The following ALMS1 variants were observed in gnomAD, a reference collection of about 807,000 sequenced individuals.
ALMS1 encodes ALMS1 centrosome and basal body associated protein.
A neutral mutation model predicts 352.2 loss-of-function variants in ALMS1; 271 were observed. That is an observed-to-expected ratio of 0.77 (90% CI 0.70 to 0.85). The LOEUF is 0.85. Ranked by LOEUF, ALMS1 falls within the 40% of genes least tolerant of loss-of-function variation. ALMS1 has a pLI of 0.00. For missense variants in ALMS1, 5,445 were observed against 4,870.7 expected (o/e 1.12, Z -3.51); for synonymous variants, 1,865 against 1,761.2 (o/e 1.06, Z -1.48).
intron 9 of ALMS1, among the ~76,000 whole-genome samples, chr2:73,488,361 T>C (rs980471635): frequency 3.3e-5 from 5 of 152,236 alleles, no homozygotes; most frequent in African/African-American, 1.2e-4. Context: ...GTGCCTGGAC[T>C]TGGCCTCAAC....
chr2:73,573,620 C>T (rs762866414), intron 16 of ALMS1, 196 bp downstream of exon 16: 11 of 690,100 alleles, frequency 1.6e-5, no homozygotes, highest in Admixed American at 2.1e-5. Flanking sequence ...CATTCATTTA[C>T]GAATTACCTT....
chr2:73,415,601 C>T (rs1441591462), intron 2 of ALMS1, among the ~76,000 whole-genome samples: 1 of 152,070 alleles, frequency 6.6e-6, no homozygotes, highest in African/African-American at 2.4e-5. Context: ...TTCAATAGTT[C>T]TGAGGAGGGA....
intron 19 of ALMS1, among the ~76,000 whole-genome samples, chr2:73,601,956 C>CT (rs1373363069): frequency 1.3e-5 from 2 of 152,224 alleles, no homozygotes; most frequent in East Asian, 3.8e-4. Flanking sequence ...TCGCCATAGT[C>CT]TTAGTTCCTG....
intron 11 of ALMS1, among the ~76,000 whole-genome samples, chr2:73,533,132 C>A (rs1323990275): frequency 2.6e-5 from 4 of 152,166 alleles, no homozygotes; most frequent in Admixed American, 6.5e-5. Context: ...CTTCCGTCTT[C>A]CGAAGTGAAA....
chr2:73,435,642 C>G (rs1385061232), intron 7 of ALMS1, among the ~76,000 whole-genome samples: 1 of 151,572 alleles, frequency 6.6e-6, no homozygotes, highest in African/African-American at 2.4e-5. Flanking sequence ...GCTCTGTTGC[C>G]CAGGTTGGAT....
At chr2:73,461,547 G>T (rs375815647) in intron 9 of ALMS1, among the ~76,000 whole-genome samples, 2 of 152,144 alleles carry the variant, frequency 1.3e-5, no homozygotes, top group Non-Finnish European at 2.9e-5. Flanking sequence ...AAAGCAGAGC[G>T]CCTCTCCTCC....
chr2:73,556,993 C>T (rs146775701), intron 13 of ALMS1, among the ~76,000 whole-genome samples: 9 of 152,208 alleles, frequency 5.9e-5, no homozygotes, highest in African/African-American at 1.9e-4. Context: ...TGAGCCACCC[C>T]GCCCGGCTTT....
chr2:73,404,034 G>A (rs1670924941), intron 1 of ALMS1, among the ~76,000 whole-genome samples: 1 of 152,124 alleles, frequency 6.6e-6, no homozygotes, highest in Admixed American at 6.5e-5. Flanking sequence ...CAAATAGCTA[G>A]GACTACAGGC....
rs1223978128 is a variant in ALMS1 at position 73,598,071 on chromosome 2, A to AT, written c.11548-1330_11548-1329insT. 3.6e-4 allele frequency among the ~76,000 whole-genome samples: 55 copies of AT among 152,304 alleles called. 1 individual carries two copies. Among genetic ancestry groups the AT allele is most frequent in the African/African-American group, 1.3e-3 (54 of 41,558 alleles). ...TTTGTTGTCAAATGCAAGATGTACC[A>AT]CTCAGTAAAGACATCTGTTTTGAAA... On this transcript the variant is annotated intron_variant, in intron 16 of 22. Transcript: ENST00000613296.
chr2:73,402,654 C>CT (rs1670896891), intron 1 of ALMS1, among the ~76,000 whole-genome samples: 1 of 152,144 alleles, frequency 6.6e-6, no homozygotes, highest in Admixed American at 6.6e-5. Flanking sequence ...CAAGGGTTCT[C>CT]TTTTTTCCAC....
intron 9 of ALMS1, among the ~76,000 whole-genome samples, 196 bp from the exon 10 acceptor site, chr2:73,489,438 C>T (rs757062356): frequency 1.3e-5 from 2 of 152,168 alleles, no homozygotes; most frequent in Non-Finnish European, 2.9e-5. Context: ...TGGTCTTAAT[C>T]ATTGTGAGCC....
At chr2:73,594,901 T>G (rs1462775548) in intron 16 of ALMS1, among the ~76,000 whole-genome samples, 1 of 152,214 alleles carries the variant, frequency 6.6e-6, no homozygotes, top group Non-Finnish European at 1.5e-5. Context: ...TATCTTGTTT[T>G]TAAATATGTC....
chr2:73,593,619 G>A (rs538167458), intron 16 of ALMS1, among the ~76,000 whole-genome samples: 1 of 152,230 alleles, frequency 6.6e-6, no homozygotes, highest in South Asian at 2.1e-4. Flanking sequence ...CCTGTTTAAA[G>A]TGTACAGTTT....
chr2:73,451,064 A>G lies in ALMS1; in HGVS notation c.4537A>G (p.Thr1513Ala), dbSNP rs376196148. 4 of 1,613,786 alleles carry G rather than the reference A, an allele frequency of 2.5e-6. No homozygotes were observed. The African/African-American group carries it at 4.0e-5, about 16-fold the overall frequency. Reference protein sequence around the residue: ...SVAPGPVGQTTGAPTITSPSY... With the variant: ...SVAPGPVGQTAGAPTITSPSY... ...TGCTCCTGGACCAGTTGGCCAGACA[A>G]CTGGCGCACCAACTATAACCTCTCC... Residue 1513 changes from threonine to alanine, a missense_variant, in exon 8 of 23, where the codon ACT (threonine) becomes GCT (alanine). Thr to Ala is a moderately conservative substitution (Grantham distance 58). Transcript: ENST00000613296.
In ALMS1 at chr2:73,540,033, G is replaced by A. The variant is rs556967214; in HGVS notation, c.9907+5084G>A. Among the ~76,000 whole-genome samples the A allele has an allele frequency of 9.1e-3, 1,378 of 152,204 alleles. 16 individuals carry two copies. The highest frequency in any genetic ancestry group is 0.032 in the African/African-American group (1,317 of 41,534). ...GAAATACAGAGAATGCCACAAAGAT[G>A]CTCCTCGAGAAGAGCAACTCCAAGA... On this transcript the variant is annotated intron_variant, in intron 12 of 22. Transcript: ENST00000613296.
chr2:73,457,742 A>G (rs1014311075), intron 9 of ALMS1, among the ~76,000 whole-genome samples: 1 of 152,116 alleles, frequency 6.6e-6, no homozygotes, highest in Admixed American at 6.5e-5. Flanking sequence ...TAAAAAGTCT[A>G]AAACTTTTGG....
At chr2:73,392,589 A>G (rs1434046921) in intron 1 of ALMS1, among the ~76,000 whole-genome samples, 1 of 152,158 alleles carries the variant, frequency 6.6e-6, no homozygotes, top group Non-Finnish European at 1.5e-5. Flanking sequence ...ATTTCATATA[A>G]ATGGAATGAT....
At chr2:73,475,172 A>T (rs983955110) in intron 9 of ALMS1, among the ~76,000 whole-genome samples, 1 of 152,148 alleles carries the variant, frequency 6.6e-6, no homozygotes, top group African/African-American at 2.4e-5. Flanking sequence ...CACTCTGGCC[A>T]TTGTGAATAG....
intron 2 of ALMS1, among the ~76,000 whole-genome samples, chr2:73,414,780 T>C (rs1024281038): frequency 6.6e-6 from 1 of 152,146 alleles, no homozygotes; most frequent in African/African-American, 2.4e-5. Context: ...CTTCCTTTGT[T>C]AAACCTTAGA....
Sources: allele counts gnomAD v4.1 joint callset (sites outside exome capture counted in the v4.1 genomes callset), GRCh38; gene constraint gnomAD v4.1.1; transcripts MANE v1.5; gene names NCBI Gene and HGNC (gene_info 2026-07-23, HGNC 2026-07-21).